OR2L3: variants seen among roughly 807,000 people sequenced by gnomAD.
OR2L3 encodes the protein olfactory receptor 2L3.
For missense variants in OR2L3, 369 were observed against 376.6 expected, an observed-to-expected ratio of 0.98 and a Z score of 0.17; for synonymous variants, 131 against 139.1, an observed-to-expected ratio of 0.94 and a Z score of 0.41.
intron 1 of OR2L3, among the ~76,000 whole-genome samples, chr1:248,058,497 A>G (rs1558202399): frequency 1.3e-5 from 2 of 152,148 alleles, no homozygotes; most frequent in African/African-American, 4.8e-5. Context: ...TTATTGCTAC[A>G]ATACAAAAAA....
Position 248,061,088 on chromosome 1 carries a change from G to A in OR2L3, c.407G>A (p.Ser136Asn). The part of the protein sequence containing the change: ...CFPLHYPIRM[S>N]KRMCVLMITG... ...CCTCTTCACTATCCCATCCGCATGA[G>A]CAAAAGAATGTGTGTGCTGATGATA... The change falls in exon 2 of 2, where the codon AGC becomes AAC. Residue 136 changes from serine (S) to asparagine (N), a missense_variant. By Grantham distance (46) the Ser-to-Asn change is conservative (BLOSUM62 1). Transcript: ENST00000359959. 2 of 1,613,986 alleles carry A rather than the reference G, an allele frequency of 1.2e-6. No individual in the cohort carries two copies. The highest frequency in any genetic ancestry group is 2.7e-5 in the African/African-American group (2 of 74,952).
In OR2L3 at chr1:248,061,434, T is replaced by C. The variant is rs1346729375; in HGVS notation, c.753T>C (p.Tyr251=). ...ACCTCACTGTAGTAACTTTCTACTA[T>C]GCACCTTTTGTCTACACTTATCTAC... ...STHLTVVTFY[Y]APFVYTYLRP... Residue 251 remains tyrosine (Y), a synonymous_variant, in exon 2 of 2, where the codon TAT becomes TAC. Coordinates refer to ENST00000359959, the MANE Select transcript of OR2L3 (RefSeq NM_001004687.2). 5 of 1,614,106 alleles carry C rather than the reference T, an allele frequency of 3.1e-6. No individual in the cohort carries two copies. The highest frequency in any genetic ancestry group is 2.2e-5 in the East Asian group (1 of 44,870).
chr1:248,055,641 C>T (rs1486648950), intron 1 of OR2L3, among the ~76,000 whole-genome samples: 1 of 152,164 alleles, frequency 6.6e-6, no homozygotes, highest in African/African-American at 2.4e-5. Context: ...CCTGTTGTTC[C>T]AGCTACTCTG....
chr1:248,057,171 T>C (rs1663461181), intron 1 of OR2L3, among the ~76,000 whole-genome samples: 1 of 152,178 alleles, frequency 6.6e-6, no homozygotes, highest in African/African-American at 2.4e-5. Flanking sequence ...GATCTAGAGC[T>C]GAGTTCAAGT....
intron 1 of OR2L3, among the ~76,000 whole-genome samples, chr1:248,060,146 A>G (rs534760915): frequency 6.6e-6 from 1 of 152,150 alleles, no homozygotes; most frequent in Non-Finnish European, 1.5e-5. Flanking sequence ...CTGACTTTCT[A>G]TGCATATGTA....
chr1:248,052,035 A>AT (rs1369368583), intron 1 of OR2L3, among the ~76,000 whole-genome samples: 1 of 152,000 alleles, frequency 6.6e-6, no homozygotes, highest in African/African-American at 2.4e-5. Context: ...TTTACTTACA[A>AT]TTTTTTCAAC....
intron 1 of OR2L3, among the ~76,000 whole-genome samples, chr1:248,049,060 A>G (rs1663174640): frequency 6.6e-6 from 1 of 152,082 alleles, no homozygotes; most frequent in East Asian, 1.9e-4. Flanking sequence ...GGTGAGGAAA[A>G]TATAGGGAGT....
chr1:248,054,951 C>G (rs372669604), intron 1 of OR2L3, among the ~76,000 whole-genome samples: 83 of 152,188 alleles, frequency 5.5e-4, no homozygotes, highest in African/African-American at 2.0e-3. Flanking sequence ...GATTGATTGC[C>G]CTGGTCATAC....
At chr1:248,056,081 T>C (rs112939892) in intron 1 of OR2L3, among the ~76,000 whole-genome samples, 192 of 152,304 alleles carry the variant, frequency 1.3e-3, no homozygotes, top group African/African-American at 4.4e-3. Flanking sequence ...GTATTCTCTG[T>C]TGGTTGTTTG....
At chr1:248,050,958 A>G (rs548482826) in intron 1 of OR2L3, among the ~76,000 whole-genome samples, 1 of 152,300 alleles carries the variant, frequency 6.6e-6, no homozygotes, top group African/African-American at 2.4e-5. Flanking sequence ...TGGAAATCCA[A>G]ATTGGAATAG....
intron 1 of OR2L3, among the ~76,000 whole-genome samples, chr1:248,052,703 C>G: frequency 6.6e-6 from 1 of 151,938 alleles, no homozygotes; most frequent in East Asian, 1.9e-4. Flanking sequence ...TGCACTCCAG[C>G]CTGGGCGACA....
intron 1 of OR2L3, among the ~76,000 whole-genome samples, chr1:248,049,171 ACT>A (rs1432990379): frequency 6.6e-5 from 10 of 151,884 alleles, no homozygotes; most frequent in Admixed American, 3.9e-4. Context: ...GTCGTGAATA[ACT>A]CTCTTCAAAT....
rs1663666509 is a variant in OR2L3, at chr1:248,062,165, C to T, written c.*545C>T. 6.5e-6 allele frequency: 1 copy of T among 152,878 alleles called. No individual in the cohort carries two copies. The highest frequency in any genetic ancestry group is 2.1e-4 in the South Asian group (1 of 4,862). The allele number at this position is 152,878 out of a possible 1,614,324, so 9.5% of individuals were successfully genotyped here. A position where few individuals can be genotyped will look rare whatever the true frequency, so the allele number is the denominator to read the frequency against. On this transcript the variant is annotated 3_prime_UTR_variant, in exon 2 of 2. Coordinates refer to ENST00000359959, the MANE Select transcript of OR2L3 (RefSeq NM_001004687.2). Reference sequence around the variant, plus strand: ...GAGAGCTCATCAGGGATTCTTAAGTCCTGATACCACTCTGGATGGCCTATG... The same window carrying T: ...GAGAGCTCATCAGGGATTCTTAAGTTCTGATACCACTCTGGATGGCCTATG...
chr1:248,059,569 C>T (rs6700663), intron 1 of OR2L3, among the ~76,000 whole-genome samples: 1,816 of 152,210 alleles, frequency 0.012, 29 homozygotes, highest in African/African-American at 0.041. Context: ...AAATCAAGAG[C>T]GTGAATTAAC....
chr1:248,055,282 T>A (rs567185205), intron 1 of OR2L3, among the ~76,000 whole-genome samples: 8 of 152,358 alleles, frequency 5.3e-5, no homozygotes, highest in African/African-American at 1.7e-4. Context: ...ATCCAGGGGA[T>A]GAAGCTGACT....
intron 1 of OR2L3, among the ~76,000 whole-genome samples, chr1:248,057,412 C>A (rs1309734227): frequency 1.3e-5 from 2 of 151,966 alleles, no homozygotes; most frequent in African/African-American, 4.8e-5. Flanking sequence ...TCTTTTTTGA[C>A]CTTTGTTGGT....
At chr1:248,047,341 T>A in intron 1 of OR2L3, among the ~76,000 whole-genome samples, 1 of 140,402 alleles carries the variant, frequency 7.1e-6, no homozygotes, top group South Asian at 2.1e-4. Flanking sequence ...TATTTTACCT[T>A]ATATGAATCC....
Position 248,060,992 on chromosome 1 carries a change from C to T in OR2L3, c.311C>T (p.Ser104Leu), listed in dbSNP as rs6658256. 0.17 allele frequency: 272,808 copies of T among 1,610,420 alleles called. 33,544 individuals carry two copies. The highest frequency in any genetic ancestry group is 0.65 in the African/African-American group (48,348 of 74,716). ...TGTGGGATTCAGAGTTTCTTCTTCT[C>T]GGCATTAGGAGGTGCAGAAGCACTA... ...TGCGIQSFFFSALGGAEALLL... is the reference protein window; with the variant it reads ...TGCGIQSFFFLALGGAEALLL... The change falls in exon 2 of 2, where the codon TCG (serine) becomes TTG (leucine). Residue 104 changes from serine (S) to leucine (L), a missense_variant. By Grantham distance (145) the Ser-to-Leu change is moderately radical (BLOSUM62 -2). Coordinates refer to ENST00000359959, the MANE Select transcript of OR2L3 (RefSeq NM_001004687.2).
intron 1 of OR2L3, among the ~76,000 whole-genome samples, chr1:248,050,591 TTTATTATGCTGTTCTATG>T (rs1204721835): frequency 1.3e-5 from 2 of 152,112 alleles, no homozygotes; most frequent in Non-Finnish European, 2.9e-5. Context: ...TGATGTGCCA[TTTATTATGCTGTTCTATG>T]TTATTTTTTT....
Sources: gnomAD v4.1 joint callset for allele counts (sites outside exome capture counted in the v4.1 genomes callset) on GRCh38, gnomAD v4.1.1 for gene constraint, MANE v1.5 for transcripts, NCBI Gene and HGNC (gene_info 2026-07-23, HGNC 2026-07-21) for gene names.